The following ATP8A2 variants were observed in gnomAD, a reference collection of about 807,000 sequenced individuals.
ATP8A2 encodes ATPase phospholipid transporting 8A2.
Under a neutral mutation model 165.6 loss-of-function variants are expected in ATP8A2, and 100 were observed. The observed-to-expected ratio is 0.60, with a 90% CI of 0.51 to 0.71. The LOEUF is 0.71. Ranked by LOEUF, ATP8A2 falls within the 30% of genes least tolerant of loss-of-function variation. ATP8A2 has a pLI of 0.00. For missense variants in ATP8A2, 1,227 were observed against 1,479.5 expected, an observed-to-expected ratio of 0.83 and a Z score of 2.80; for synonymous variants, 543 against 548.8, an observed-to-expected ratio of 0.99 and a Z score of 0.15.
intron 25 of ATP8A2, among the ~76,000 whole-genome samples, chr13:25,703,196 C>T (rs997261657): frequency 2.0e-5 from 3 of 152,118 alleles, no homozygotes; most frequent in Admixed American, 6.5e-5. Context: ...TCTCCTGCCT[C>T]GGCCTCCCAA....
intron 1 of ATP8A2, among the ~76,000 whole-genome samples, chr13:25,467,153 G>A (rs568427669): frequency 6.6e-6 from 1 of 152,318 alleles, no homozygotes; most frequent in South Asian, 2.1e-4. Flanking sequence ...GAGAGTGGGA[G>A]GTTGGAGGGA....
At chr13:25,472,407 A>AT (rs1356654567) in intron 2 of ATP8A2, among the ~76,000 whole-genome samples, 82 of 128,352 alleles carry the variant, frequency 6.4e-4, no homozygotes, top group Admixed American at 2.4e-3. Flanking sequence ...AAAAAAAAAA[A>AT]AAAATTGATT....
At chr13:25,488,468 T>C (rs1235610854) in intron 2 of ATP8A2, among the ~76,000 whole-genome samples, 4 of 152,208 alleles carry the variant, frequency 2.6e-5, no homozygotes, top group Non-Finnish European at 4.4e-5. Context: ...TGCCTGGGCA[T>C]GGTGGCTCAT....
Position 25,504,441 on chromosome 13 carries a change from T to A in ATP8A2, c.222-25558T>A, listed in dbSNP as rs1292567006. ...CTTTCCTTTTTTTTTTTTTTTTTTTTTAAAAAGTATACAGTGCGGCCGGGC... is the reference window on the plus strand; with the variant it reads ...CTTTCCTTTTTTTTTTTTTTTTTTTATAAAAAGTATACAGTGCGGCCGGGC... On this transcript the variant is annotated intron_variant, in intron 2 of 36. Transcript: ENST00000381655. Among the ~76,000 whole-genome samples, 7 of 137,100 alleles carry A rather than the reference T, an allele frequency of 5.1e-5. No homozygotes were observed. The East Asian group carries it at 7.8e-4, about 15-fold the overall frequency. 89.9% of individuals were successfully genotyped at this position (137,100 alleles called of 152,430 possible).
Position 25,533,991 on chromosome 13 carries a change from G to A in ATP8A2, c.507+678G>A, listed in dbSNP as rs1025603150. Among the ~76,000 whole-genome samples, 6 of 152,200 alleles carry A rather than the reference G, an allele frequency of 3.9e-5. No individual in the cohort carries two copies. In the East Asian group the frequency reaches 1.2e-3, roughly 29 times the overall value. On this transcript the variant is annotated intron_variant, in intron 6 of 36. Transcript: ENST00000381655. Reference sequence around the variant, plus strand: ...GACTCTCATTAGTCCAGCATTCAAAGCCGATTAACATGATTTCAAAAGAAA... The same window carrying A: ...GACTCTCATTAGTCCAGCATTCAAAACCGATTAACATGATTTCAAAAGAAA...
chr13:25,853,422 T>TATATAG (rs1368686149), intron 30 of ATP8A2, among the ~76,000 whole-genome samples: 2 of 135,154 alleles, frequency 1.5e-5, no homozygotes, highest in East Asian at 2.1e-4. Context: ...TATATATATA[T>TATATAG]AGAATTTCTT....
intron 35 of ATP8A2, among the ~76,000 whole-genome samples, chr13:25,983,044 C>T (rs1438876174): frequency 6.6e-6 from 1 of 152,116 alleles, no homozygotes; most frequent in Non-Finnish European, 1.5e-5. Context: ...GCAGTTTATA[C>T]CATGTTTAGG....
At chr13:25,632,266 G>A (rs1433873064) in intron 24 of ATP8A2, among the ~76,000 whole-genome samples, 4 of 151,988 alleles carry the variant, frequency 2.6e-5, no homozygotes, top group African/African-American at 4.8e-5. Flanking sequence ...GCTTCACCAC[G>A]TAGGCATGAC....
In ATP8A2 at chr13:25,508,300, C is replaced by T. The variant is rs369470058; in HGVS notation, c.222-21699C>T. Among the ~76,000 whole-genome samples the T allele has an allele frequency of 4.0e-3, 609 of 152,246 alleles. 9 individuals carry two copies. The highest frequency in any genetic ancestry group is 0.039 in the South Asian group (186 of 4,824). On this transcript the variant is annotated intron_variant, in intron 2 of 36. Transcript: ENST00000381655. ...AGTTTAATTTTTAACAACCACATGACCCTCAGACTCATTAATTCCACTTCA... is the reference window on the plus strand; with the variant it reads ...AGTTTAATTTTTAACAACCACATGATCCTCAGACTCATTAATTCCACTTCA...
intron 27 of ATP8A2, among the ~76,000 whole-genome samples, chr13:25,798,456 T>A (rs532465185): frequency 1.7e-4 from 26 of 152,218 alleles, no homozygotes; most frequent in Non-Finnish European, 3.5e-4. Context: ...TGCACTTTGA[T>A]GTAACTCTTG....
At chr13:25,487,512 T>A (rs1020007985) in intron 2 of ATP8A2, among the ~76,000 whole-genome samples, 1 of 152,210 alleles carries the variant, frequency 6.6e-6, no homozygotes, top group Non-Finnish European at 1.5e-5. Context: ...TGAGGCACTT[T>A]AAACAGCACC....
chr13:25,397,480 C>T (rs2033467775), intron 1 of ATP8A2, among the ~76,000 whole-genome samples: 1 of 152,066 alleles, frequency 6.6e-6, no homozygotes, highest in Non-Finnish European at 1.5e-5. Flanking sequence ...CTCTCTGCTC[C>T]TCACCCACCT....
chr13:25,510,610 G>A (rs972251067), intron 2 of ATP8A2, among the ~76,000 whole-genome samples: 1 of 152,164 alleles, frequency 6.6e-6, no homozygotes, highest in African/African-American at 2.4e-5. Flanking sequence ...CTCTTATGGG[G>A]CAGATGACAG....
At chr13:25,373,703 G>A (rs1252943215) in intron 1 of ATP8A2, among the ~76,000 whole-genome samples, 3 of 152,192 alleles carry the variant, frequency 2.0e-5, no homozygotes, top group South Asian at 2.1e-4. Flanking sequence ...GGGAAACTGC[G>A]GAGGACCAGG....
intron 34 of ATP8A2, among the ~76,000 whole-genome samples, chr13:25,965,458 C>T (rs1038029949): frequency 6.6e-6 from 1 of 152,154 alleles, no homozygotes; most frequent in South Asian, 2.1e-4. Flanking sequence ...ATCCTGCTAA[C>T]CAAAATTTTC....
chr13:25,437,653 C>A (rs2034817221), intron 1 of ATP8A2, among the ~76,000 whole-genome samples: 1 of 152,136 alleles, frequency 6.6e-6, no homozygotes, highest in Admixed American at 6.6e-5. Context: ...CTAAAAGATT[C>A]CTGATGGTAA....
intron 24 of ATP8A2, among the ~76,000 whole-genome samples, chr13:25,623,755 G>A (rs1261908358): frequency 6.6e-6 from 1 of 152,024 alleles, no homozygotes; most frequent in Non-Finnish European, 1.5e-5. Flanking sequence ...ATATGTGTGT[G>A]TGTGTATACG....
chr13:25,512,949 C>T (rs1347017617), intron 2 of ATP8A2, among the ~76,000 whole-genome samples: 15 of 141,998 alleles, frequency 1.1e-4, no homozygotes, highest in South Asian at 4.6e-4. Flanking sequence ...GGCGGCTGGC[C>T]GGGTGGGGGG....
chr13:25,638,171 A>G (rs1593704280), intron 24 of ATP8A2, among the ~76,000 whole-genome samples: 1 of 152,342 alleles, frequency 6.6e-6, no homozygotes, highest in Admixed American at 6.5e-5. Context: ...ACAGAGCAGA[A>G]AAGCTGAAAA....
Sources: gnomAD v4.1 joint callset for allele counts (sites outside exome capture counted in the v4.1 genomes callset) on GRCh38, gnomAD v4.1.1 for gene constraint, MANE v1.5 for transcripts, NCBI Gene and HGNC (gene_info 2026-07-23, HGNC 2026-07-21) for gene names.